Variants in PSTPIP2 observed in about 807,000 individuals in gnomAD.
PSTPIP2 encodes the protein proline-serine-threonine phosphatase interacting protein 2.
A neutral mutation model predicts 63.3 loss-of-function variants in PSTPIP2; 33 were observed. The ratio of observed to expected loss-of-function variants is 0.52; its 90% CI spans 0.40 to 0.70. PSTPIP2 has a LOEUF of 0.70. Ranked by LOEUF, PSTPIP2 falls within the 30% of genes least tolerant of loss-of-function variation. The probability of loss-of-function intolerance (pLI) is 0.00; values close to 1 mark genes in which losing one functional copy is unlikely to be tolerated. For missense variants in PSTPIP2, 312 were observed against 400.7 expected (o/e 0.78, Z 1.89); for synonymous variants, 125 against 132.7 (o/e 0.94, Z 0.40).
intron 1 of PSTPIP2, among the ~76,000 whole-genome samples, chr18:46,052,065 G>A (rs1908601308): frequency 6.6e-6 from 1 of 152,218 alleles, no homozygotes; most frequent in African/African-American, 2.4e-5. Context: ...CCCAAAACTG[G>A]AACTAGGTCC....
At position 46,052,169 on chromosome 18, in the gene PSTPIP2, G is replaced by A. The variant is rs77190996; in HGVS notation, c.34-12122C>T. 2.3e-3 allele frequency among the ~76,000 whole-genome samples: 345 copies of A among 152,340 alleles called. 3 individuals carry two copies. The highest frequency in any genetic ancestry group is 7.9e-3 in the African/African-American group (328 of 41,590). ...AAACAACAAATGTGCTGCCACTACT[G>A]TCAAAAGCAAATATAGAACTAGGAG... On this transcript the variant is annotated intron_variant, in intron 1 of 14. Transcript: ENST00000409746.
intron 8 of PSTPIP2, 110 bp downstream of exon 8, chr18:45,998,684 C>A: frequency 9.4e-7 from 1 of 1,067,084 alleles, no homozygotes; most frequent in Non-Finnish European, 1.4e-6. Flanking sequence ...TGCTGAATAT[C>A]CATATATTCT....
Position 46,019,109 on chromosome 18 carries a change from G to A in PSTPIP2, c.213-3172C>T, listed in dbSNP as rs77793187. ...GTGCCTTGGCCCTGGTAAATTTCTT[G>A]CTCACTGCTACTTTCATGGAGGCTG... On this transcript the variant is annotated intron_variant, in intron 3 of 14. Transcript: ENST00000409746. Among the ~76,000 whole-genome samples the A allele has an allele frequency of 5.3e-3, 809 of 152,038 alleles. 8 individuals are homozygous for A. Among genetic ancestry groups the A allele is most frequent in the African/African-American group, 0.012 (482 of 41,448 alleles).
intron 1 of PSTPIP2, among the ~76,000 whole-genome samples, chr18:46,050,637 T>G (rs1395779844): frequency 6.6e-6 from 1 of 152,144 alleles, no homozygotes. Flanking sequence ...TTTAAATAAA[T>G]TATGTACAAT....
intron 14 of PSTPIP2, 105 bp downstream of exon 14, chr18:45,988,597 G>A: frequency 1.0e-6 from 1 of 969,406 alleles, no homozygotes; most frequent in Non-Finnish European, 1.6e-6. Context: ...CCTCATGCAA[G>A]GCCTTGCTAG....
chr18:45,999,337 G>A, intron 7 of PSTPIP2, 99 bp downstream of exon 7: 7 of 1,127,520 alleles, frequency 6.2e-6, no homozygotes, highest in Non-Finnish European at 9.2e-6. Context: ...ATTTCCAGGG[G>A]TTTAGGATAC....
rs56236802 is a variant in PSTPIP2, at chr18:46,064,282, C to CTTTTTTT, written c.33+7867_33+7873dup. 1.4e-4 allele frequency among the ~76,000 whole-genome samples: 10 copies of CTTTTTTT among 71,524 alleles called. 1 individual carries two copies. The highest frequency in any genetic ancestry group is 5.8e-4 in the African/African-American group (9 of 15,410). The allele number at this position is 71,524 out of a possible 152,430, so 46.9% of individuals were successfully genotyped here. The stretch of plus-strand genomic sequence containing the variant: ...CTTTTTTTCTTCTTTCTTTTTCTTT[C>CTTTTTTT]TTTTTTTTTTTTTTTTTTTTTTTTT... On this transcript the variant is annotated intron_variant, in intron 1 of 14. Coordinates refer to ENST00000409746, the MANE Select transcript of PSTPIP2 (RefSeq NM_024430.4).
intron 1 of PSTPIP2, among the ~76,000 whole-genome samples, chr18:46,056,247 T>C (rs1424606889): frequency 2.6e-5 from 4 of 152,212 alleles, no homozygotes; most frequent in Non-Finnish European, 4.4e-5. Flanking sequence ...ATCACTTATG[T>C]TCTCCAACTC....
At chr18:46,008,283 C>T (rs2051753658) in intron 5 of PSTPIP2, among the ~76,000 whole-genome samples, 1 of 152,020 alleles carries the variant, frequency 6.6e-6, no homozygotes, top group Admixed American at 6.6e-5. Flanking sequence ...CCGTTTTTCT[C>T]TCTACTCACA....
At chr18:46,027,904 T>G (rs1021927017) in intron 2 of PSTPIP2, among the ~76,000 whole-genome samples, 3 of 152,224 alleles carry the variant, frequency 2.0e-5, no homozygotes, top group Non-Finnish European at 4.4e-5. Context: ...CTCACGTCTG[T>G]AATCACAGCA....
At chr18:46,008,884 C>A (rs1192547315) in intron 5 of PSTPIP2, among the ~76,000 whole-genome samples, 1 of 152,162 alleles carries the variant, frequency 6.6e-6, no homozygotes, top group Non-Finnish European at 1.5e-5. Flanking sequence ...CCTGCCAACC[C>A]CCTGGGGTGA....
intron 2 of PSTPIP2, 29 bp downstream of exon 2, chr18:46,039,918 T>C: frequency 6.4e-7 from 1 of 1,573,582 alleles, no homozygotes; most frequent in Non-Finnish European, 8.7e-7. Context: ...TGGCCCACCC[T>C]CTTCAGAGAG....
Position 46,072,215 on chromosome 18 carries a change from G to A in PSTPIP2, c.-27C>T, listed in dbSNP as rs778841453. On this transcript the variant is annotated 5_prime_UTR_variant, in exon 1 of 15. Transcript: ENST00000409746. ...GCAGCGCGAGTGGGGGCGCGGAGGA[G>A]AGCCGGGCCGCAGGTAGCACAGAGC... 2.6e-6 allele frequency: 4 copies of A among 1,532,616 alleles called. No homozygotes were observed. Among genetic ancestry groups the A allele is most frequent in the South Asian group, 2.5e-5 (2 of 81,628 alleles). The allele number at this position is 1,532,616 out of a possible 1,614,324, so 94.9% of individuals were successfully genotyped here.
At chr18:45,993,837 C>T (rs991766160) in intron 9 of PSTPIP2, 134 bp from the exon 10 acceptor site, 4 of 728,454 alleles carry the variant, frequency 5.5e-6, no homozygotes, top group Non-Finnish European at 7.0e-6. Flanking sequence ...TGCTTCTCCC[C>T]CACCACTGAG....
chr18:45,990,421 T>G (rs532953836), intron 13 of PSTPIP2, among the ~76,000 whole-genome samples: 26 of 139,488 alleles, frequency 1.9e-4, no homozygotes, highest in African/African-American at 7.4e-4. Flanking sequence ...TTTTTTGGGG[T>G]TTTTTTGTTT....
chr18:46,063,479 C>T (rs1216320016), intron 1 of PSTPIP2, among the ~76,000 whole-genome samples: 1 of 152,036 alleles, frequency 6.6e-6, no homozygotes, highest in Non-Finnish European at 1.5e-5. Context: ...AATTTGAACA[C>T]GGGCACACAC....
chr18:46,035,933 A>T (rs1907957075), intron 2 of PSTPIP2, among the ~76,000 whole-genome samples: 1 of 152,132 alleles, frequency 6.6e-6, no homozygotes, highest in African/African-American at 2.4e-5. Context: ...TTGTTATATT[A>T]TGTAGCTATT....
intron 14 of PSTPIP2, among the ~76,000 whole-genome samples, chr18:45,987,577 A>G (rs2051480771): frequency 6.6e-6 from 1 of 152,204 alleles, no homozygotes; most frequent in African/African-American, 2.4e-5. Context: ...GCAGTAACAC[A>G]TTTTCATTGC....
At chr18:46,045,186 A>G (rs1908339644) in intron 1 of PSTPIP2, among the ~76,000 whole-genome samples, 1 of 152,224 alleles carries the variant, frequency 6.6e-6, no homozygotes, top group South Asian at 2.1e-4. Context: ...TATATAAATC[A>G]TGCTGCTATA....
Sources: gnomAD v4.1 joint callset for allele counts (sites outside exome capture counted in the v4.1 genomes callset) on GRCh38, gnomAD v4.1.1 for gene constraint, MANE v1.5 for transcripts, NCBI Gene and HGNC (gene_info 2026-07-23, HGNC 2026-07-21) for gene names.